Variants in G3BP1 observed in about 807,000 individuals in gnomAD.
G3BP1 encodes G3BP stress granule assembly factor 1.
G3BP1 carries 35 observed loss-of-function variants against 58.6 expected under a neutral mutation model. The observed-to-expected ratio is 0.60, with a 90% CI of 0.46 to 0.79. The LOEUF (loss-of-function observed/expected upper bound fraction) is 0.79, where lower values mean the gene tolerates loss of function less well. G3BP1 is among the 30% of genes least tolerant of loss of function. The probability of loss-of-function intolerance (pLI) is 0.00; values close to 1 mark genes in which losing one functional copy is unlikely to be tolerated. For missense variants in G3BP1, 523 were observed against 580.8 expected, an observed-to-expected ratio of 0.90 and a Z score of 1.02; for synonymous variants, 191 against 195.4, an observed-to-expected ratio of 0.98 and a Z score of 0.19.
In G3BP1 at chr5:151,805,611, A is replaced by C. The variant is rs573541907; in HGVS notation, c.*1520A>C. On this transcript the variant is annotated 3_prime_UTR_variant, in exon 12 of 12. Coordinates refer to ENST00000356245, the MANE Select transcript of G3BP1 (RefSeq NM_005754.3). The stretch of plus-strand genomic sequence containing the variant: ...AAACTCTAGGTTTGCTGTGATGGTT[A>C]AGACCACAGTGAAGTTGGTATTACC... The C allele has an allele frequency of 3.3e-5, 5 of 152,338 alleles. No homozygotes were observed. The South Asian group carries it at 1.0e-3, about 32-fold the overall frequency. The allele number at this position is 152,338 out of a possible 1,614,324, so 9.4% of individuals were successfully genotyped here. A position where few individuals can be genotyped will look rare whatever the true frequency, so the allele number is the denominator to read the frequency against.
At chr5:151,776,015 A>G (rs1260978709) in intron 1 of G3BP1, among the ~76,000 whole-genome samples, 1 of 152,230 alleles carries the variant, frequency 6.6e-6, no homozygotes, top group Non-Finnish European at 1.5e-5. Context: ...TGTTAATGAA[A>G]GACTTTATTT....
At chr5:151,803,761 T>C in intron 11 of G3BP1, 124 bp from the exon 12 acceptor site, 1 of 641,084 alleles carries the variant, frequency 1.6e-6, no homozygotes, top group Non-Finnish European at 2.7e-6. Flanking sequence ...CCCAAAGTGC[T>C]GGGATTACAG....
rs1763013473 is a variant in G3BP1, at chr5:151,811,168, C to T, written c.*7077C>T. ...CAGTAGTCTCTCAGCTTCACTTAAC[C>T]TCTTACTCCAGCCTACTTTATACAC... On this transcript the variant is annotated 3_prime_UTR_variant, in exon 12 of 12. Coordinates refer to ENST00000356245, the MANE Select transcript of G3BP1 (RefSeq NM_005754.3). 2 of 152,166 alleles carry T rather than the reference C, an allele frequency of 1.3e-5. No individual in the cohort carries two copies. The highest frequency in any genetic ancestry group is 2.1e-4 in the South Asian group (1 of 4,832). 9.4% of individuals were successfully genotyped at this position (152,166 alleles called of 1,614,324 possible). A position where few individuals can be genotyped will look rare whatever the true frequency, so the allele number is the denominator to read the frequency against.
intron 1 of G3BP1, among the ~76,000 whole-genome samples, chr5:151,781,987 C>G (rs1762479478): frequency 6.6e-6 from 1 of 151,498 alleles, no homozygotes; most frequent in African/African-American, 2.4e-5. Context: ...ATGTTAAATG[C>G]TTGGGATTTT....
chr5:151,798,347 A>G (rs982862151), intron 7 of G3BP1, among the ~76,000 whole-genome samples: 3 of 151,896 alleles, frequency 2.0e-5, no homozygotes, highest in African/African-American at 7.3e-5. Flanking sequence ...AGACCTTGTC[A>G]CAAGAACAAA....
At position 151,807,687 on chromosome 5, in the gene G3BP1, T is replaced by C. The variant is rs1354731533; in HGVS notation, c.*3596T>C. The C allele has an allele frequency of 6.6e-6, 1 of 152,208 alleles. No homozygotes were observed. The highest frequency in any genetic ancestry group is 1.9e-4 in the East Asian group (1 of 5,206). The allele number at this position is 152,208 out of a possible 1,614,324, so 9.4% of individuals were successfully genotyped here. On this transcript the variant is annotated 3_prime_UTR_variant, in exon 12 of 12. Transcript: ENST00000356245. ...ATTTGTGTTTTGTGCTTATAAACTG[T>C]CACCTTCTGATACTTTTCTTCATCC...
chr5:151,786,888 A>G (rs1051538873), intron 2 of G3BP1, 173 bp downstream of exon 2: 6 of 538,738 alleles, frequency 1.1e-5, no homozygotes, highest in African/African-American at 1.9e-5. Context: ...TGTTGTCCAG[A>G]CTGGAGTGCA....
intron 4 of G3BP1, chr5:151,792,264 A>C: frequency 3.8e-6 from 1 of 262,666 alleles, no homozygotes; most frequent in Non-Finnish European, 7.7e-6. Flanking sequence ...TTGTTGATTA[A>C]ATCATTGTTT....
At position 151,786,601 on chromosome 5, in the gene G3BP1, A is replaced by G. The variant is rs758721610; in HGVS notation, c.-20A>G. ...GGACATATTTGACTCTTTTCCCCCCAGGTTGAATTGACCAAAGCAATGGTG... is the reference window on the plus strand; with the variant it reads ...GGACATATTTGACTCTTTTCCCCCCGGGTTGAATTGACCAAAGCAATGGTG... On this transcript the variant is annotated 5_prime_UTR_variant, in exon 2 of 12. Transcript: ENST00000356245. 14 of 1,525,006 alleles carry G rather than the reference A, an allele frequency of 9.2e-6. No homozygotes were observed. The African/African-American group carries it at 1.5e-4, about 16-fold the overall frequency. The allele number at this position is 1,525,006 out of a possible 1,614,324, so 94.5% of individuals were successfully genotyped here.
At chr5:151,791,353 C>A in intron 4 of G3BP1, 1 of 216,316 alleles carries the variant, frequency 4.6e-6, no homozygotes, top group Non-Finnish European at 9.4e-6. Flanking sequence ...ATCTATAATC[C>A]ATTTTTAAAA....
At position 151,807,771 on chromosome 5, in the gene G3BP1, A is replaced by G. The variant is rs1454952310; in HGVS notation, c.*3680A>G. Reference sequence around the variant, plus strand: ...TTTAATGGAAAATGTTGCACTTTATAGAAGGCCATTTTAGAACTTACAGGT... The same window carrying G: ...TTTAATGGAAAATGTTGCACTTTATGGAAGGCCATTTTAGAACTTACAGGT... On this transcript the variant is annotated 3_prime_UTR_variant, in exon 12 of 12. Coordinates refer to ENST00000356245, the MANE Select transcript of G3BP1 (RefSeq NM_005754.3). The G allele has an allele frequency of 1.3e-5, 2 of 152,360 alleles. No homozygotes were observed. The highest frequency in any genetic ancestry group is 3.9e-4 in the East Asian group (2 of 5,192). The allele number at this position is 152,360 out of a possible 1,614,324, so 9.4% of individuals were successfully genotyped here.
chr5:151,789,689 G>T (rs550095619), intron 2 of G3BP1, among the ~76,000 whole-genome samples: 1 of 152,152 alleles, frequency 6.6e-6, no homozygotes, highest in Non-Finnish European at 1.5e-5. Flanking sequence ...CAGCCTTACC[G>T]CACATTTTCT....
chr5:151,783,214 A>T (rs142297033), intron 1 of G3BP1, among the ~76,000 whole-genome samples: 2 of 152,120 alleles, frequency 1.3e-5, no homozygotes, highest in East Asian at 3.9e-4. Context: ...ATTTGATAGA[A>T]TTGAGAGAGT....
rs1321626022 is a variant in G3BP1 at position 151,807,477 on chromosome 5, A to C, written c.*3386A>C. 1 of 152,224 alleles carries C rather than the reference A, an allele frequency of 6.6e-6. No individual in the cohort carries two copies. The highest frequency in any genetic ancestry group is 1.5e-5 in the Non-Finnish European group (1 of 68,046). 9.4% of individuals were successfully genotyped at this position (152,224 alleles called of 1,614,324 possible). A position where few individuals can be genotyped will look rare whatever the true frequency, so the allele number is the denominator to read the frequency against. On this transcript the variant is annotated 3_prime_UTR_variant, in exon 12 of 12. Coordinates refer to ENST00000356245, the MANE Select transcript of G3BP1 (RefSeq NM_005754.3). Reference sequence around the variant, plus strand: ...TACAGTTCTTAATTTCCTTTAGGGCAAACAAGATAATTAAACTTGGGTTTT... The same window carrying C: ...TACAGTTCTTAATTTCCTTTAGGGCCAACAAGATAATTAAACTTGGGTTTT...
At position 151,804,868 on chromosome 5, in the gene G3BP1, C is replaced by T. The variant is rs1762915334; in HGVS notation, c.*777C>T. 6.6e-6 allele frequency: 1 copy of T among 152,482 alleles called. No homozygotes were observed. Among genetic ancestry groups the T allele is most frequent in the Non-Finnish European group, 1.5e-5 (1 of 68,006 alleles). 9.4% of individuals were successfully genotyped at this position (152,482 alleles called of 1,614,324 possible). A position where few individuals can be genotyped will look rare whatever the true frequency, so the allele number is the denominator to read the frequency against. On this transcript the variant is annotated 3_prime_UTR_variant, in exon 12 of 12. Transcript: ENST00000356245. ...AAAAAAATTCCCAAAACCCAGATAA[C>T]AACCAGAGCAAAACTGTTGTGCCTT...
intron 1 of G3BP1, among the ~76,000 whole-genome samples, chr5:151,785,837 A>G (rs936810074): frequency 9.2e-5 from 14 of 152,246 alleles, no homozygotes; most frequent in Non-Finnish European, 1.9e-4. Flanking sequence ...AAAAGATGCT[A>G]TACTAAAAGT....
In G3BP1 at chr5:151,793,195, A is replaced by G. The variant is rs935446093; in HGVS notation, c.352-964A>G. 1.1e-4 allele frequency among the ~76,000 whole-genome samples: 16 copies of G among 151,930 alleles called. 3 individuals carry two copies. The highest frequency in any genetic ancestry group is 9.2e-4 in the Admixed American group (14 of 15,254). On this transcript the variant is annotated intron_variant, in intron 4 of 11. Transcript: ENST00000356245. ...GCAGTCTGGGCTTACTGCACCCTCC[A>G]CCTCCCGGGTTCAAGCAATCCTCCC...
rs1763030807 is a variant in G3BP1 at position 151,812,489 on chromosome 5, CT to C, written c.*8402del. 1 of 152,160 alleles carries C rather than the reference CT, an allele frequency of 6.6e-6. No individual in the cohort carries two copies. Among genetic ancestry groups the C allele is most frequent in the South Asian group, 2.1e-4 (1 of 4,828 alleles). The allele number at this position is 152,160 out of a possible 1,614,324, so 9.4% of individuals were successfully genotyped here. ...GGAACTTTAAAGACAAAGGGTGCAT[CT>C]TTTGTGCAAGTATCTAAGCGGGCAA... is the stretch of plus-strand genomic sequence containing the variant. On this transcript the variant is annotated 3_prime_UTR_variant, in exon 12 of 12. Coordinates refer to ENST00000356245, the MANE Select transcript of G3BP1 (RefSeq NM_005754.3).
At chr5:151,798,278 AG>A (rs1388595649) in intron 7 of G3BP1, among the ~76,000 whole-genome samples, 2 of 152,050 alleles carry the variant, frequency 1.3e-5, no homozygotes, top group Non-Finnish European at 2.9e-5. Flanking sequence ...TAGCCTGGGA[AG>A]TCAAGGCTGC....
Sources: allele counts gnomAD v4.1 joint callset (sites outside exome capture counted in the v4.1 genomes callset), GRCh38; gene constraint gnomAD v4.1.1; transcripts MANE v1.5; gene names NCBI Gene and HGNC (gene_info 2026-07-23, HGNC 2026-07-21).